TSNARE1: variants seen among roughly 807,000 people sequenced by gnomAD.
The protein encoded by TSNARE1 is t-SNARE domain containing 1, also known as t-SNARE domain-containing protein 1.
A neutral mutation model predicts 62.0 loss-of-function variants in TSNARE1; 49 were observed. The observed-to-expected ratio is 0.79, with a 90% CI of 0.63 to 1.00. The LOEUF is 1.00. Ranked by LOEUF, TSNARE1 falls within the 50% of genes least tolerant of loss-of-function variation. The probability of loss-of-function intolerance (pLI) is 0.00; values close to 1 mark genes in which losing one functional copy is unlikely to be tolerated. For synonymous variants in TSNARE1, 328 were observed against 294.4 expected, an observed-to-expected ratio of 1.11 and a Z score of -1.17; for missense variants, 755 against 700.1, an observed-to-expected ratio of 1.08 and a Z score of -0.88.
intron 12 of TSNARE1, chr8:142,274,565 A>G: frequency 2.0e-6 from 2 of 984,856 alleles, no homozygotes; most frequent in Non-Finnish European, 2.4e-6. Context: ...GACGGTGCCG[A>G]CCGCTGTGGG....
At chr8:142,259,374 C>T (rs1367391092) in intron 12 of TSNARE1, among the ~76,000 whole-genome samples, 1 of 152,172 alleles carries the variant, frequency 6.6e-6, no homozygotes, top group East Asian at 1.9e-4. Flanking sequence ...GGAAAGGGCA[C>T]GGTTTCTGGG....
intron 12 of TSNARE1, chr8:142,274,223 A>G: frequency 1.0e-6 from 1 of 985,398 alleles, no homozygotes; most frequent in African/African-American, 1.7e-5. Context: ...CTGGGCCTCC[A>G]TCTCAGCTGG....
At chr8:142,292,050 C>T (rs570991569) in intron 10 of TSNARE1, among the ~76,000 whole-genome samples, 262 of 152,086 alleles carry the variant, frequency 1.7e-3, no homozygotes, top group African/African-American at 6.1e-3. Context: ...CTGGCTCTGC[C>T]GGGGTCCTGG....
At chr8:142,216,597 T>G (rs1815851197) in intron 13 of TSNARE1, among the ~76,000 whole-genome samples, 1 of 142,960 alleles carries the variant, frequency 7.0e-6, no homozygotes, top group African/African-American at 2.5e-5. Context: ...CTCCCCGCAC[T>G]GGTCAGCAGC....
chr8:142,351,202 C>A (rs1166873456), intron 2 of TSNARE1, among the ~76,000 whole-genome samples: 1 of 152,186 alleles, frequency 6.6e-6, no homozygotes, highest in African/African-American at 2.4e-5. Context: ...GGCTGTGACG[C>A]GTCTGAGTCT....
At position 142,344,111 on chromosome 8, in the gene TSNARE1, G is replaced by A. The variant is rs141826607; in HGVS notation, c.600C>T (p.Gly200=). The change falls in exon 4 of 14, where the codon GGC becomes GGT. Residue 200 remains glycine (G), a synonymous_variant. Transcript: ENST00000524325. ...GGCCATGGGCCGCCTTCCGGAGGTC[G>A]CCCAGCTTGCGCCGCACGACGGCTC... ...DLRAVVRRKL[G]DLRKAAHGPS... 1.7e-5 allele frequency: 27 copies of A among 1,611,020 alleles called. No individual in the cohort carries two copies. Among genetic ancestry groups the A allele is most frequent in the East Asian group, 1.6e-4 (7 of 44,826 alleles).
At chr8:142,316,571 T>C (rs191403544) in intron 7 of TSNARE1, among the ~76,000 whole-genome samples, 116 of 151,862 alleles carry the variant, frequency 7.6e-4, no homozygotes, top group African/African-American at 2.6e-3. Flanking sequence ...TAACTCTTAG[T>C]TGTACAGCCA....
chr8:142,369,459 C>T (rs1297321891), intron 1 of TSNARE1, among the ~76,000 whole-genome samples: 1 of 152,190 alleles, frequency 6.6e-6, no homozygotes, highest in African/African-American at 2.4e-5. Flanking sequence ...GTACAAGACA[C>T]ACAAGAACAT....
chr8:142,376,742 C>T (rs1836373945), intron 1 of TSNARE1, among the ~76,000 whole-genome samples: 1 of 152,186 alleles, frequency 6.6e-6, no homozygotes, highest in Admixed American at 6.5e-5. Context: ...ACGGGACTCC[C>T]AGGGCCCGGG....
chr8:142,352,856 G>A (rs914381089), intron 2 of TSNARE1, among the ~76,000 whole-genome samples: 5 of 152,196 alleles, frequency 3.3e-5, no homozygotes, highest in Non-Finnish European at 5.9e-5. Context: ...CTGGGGGTCA[G>A]GCGCACCACC....
At chr8:142,269,669 A>G in intron 12 of TSNARE1, 1 of 985,296 alleles carries the variant, frequency 1.0e-6, no homozygotes, top group African/African-American at 1.7e-5. Context: ...CAGAATGAAG[A>G]TCTACAGAGG....
intron 10 of TSNARE1, among the ~76,000 whole-genome samples, chr8:142,287,303 C>T (rs1054725346): frequency 8.3e-5 from 12 of 143,798 alleles, no homozygotes; most frequent in Non-Finnish European, 1.2e-4. Context: ...CCCAGGACCC[C>T]GGCCAGATCT....
chr8:142,313,571 ATC>A (rs1236236479), intron 9 of TSNARE1, among the ~76,000 whole-genome samples: 1 of 150,470 alleles, frequency 6.6e-6, no homozygotes, highest in Admixed American at 6.6e-5. Context: ...GTGTCTGCGC[ATC>A]TGTGTTTATC....
chr8:142,340,231 C>T (rs535364961), intron 4 of TSNARE1, among the ~76,000 whole-genome samples: 2 of 152,326 alleles, frequency 1.3e-5, no homozygotes, highest in East Asian at 3.9e-4. Flanking sequence ...TGAGGCTTGC[C>T]GGGGCCTCCT....
In TSNARE1 at chr8:142,291,946, G is replaced by A. The variant is rs76825414; in HGVS notation, c.1291-7461C>T. ...GGGTCAGCTGCCTCTCCCGTGGACG[G>A]TCACAGCAACGCACGCCCCCCCCGG... On this transcript the variant is annotated intron_variant, in intron 10 of 13. Transcript: ENST00000524325. This position sits in a 1 kb window ranked among gnomAD's most constrained non-coding sequence, Gnocchi z 4.8. Among the ~76,000 whole-genome samples the A allele has an allele frequency of 0.013, 1,964 of 152,060 alleles. 51 individuals carry two copies. Among genetic ancestry groups the A allele is most frequent in the African/African-American group, 0.045 (1,879 of 41,446 alleles).
At chr8:142,259,811 G>T (rs1024548391) in intron 12 of TSNARE1, among the ~76,000 whole-genome samples, 2 of 152,312 alleles carry the variant, frequency 1.3e-5, no homozygotes, top group Middle Eastern at 6.8e-3. Context: ...TGCTAAGAAT[G>T]CAACTAAGGG....
At chr8:142,313,675 CTG>C (rs1051673453) in intron 9 of TSNARE1, among the ~76,000 whole-genome samples, 2 of 151,804 alleles carry the variant, frequency 1.3e-5, no homozygotes, top group East Asian at 1.9e-4. Context: ...GTCTGTGTCT[CTG>C]TGTGTTTATC....
At chr8:142,283,043 G>C (rs1326119125) in intron 11 of TSNARE1, among the ~76,000 whole-genome samples, 1 of 148,034 alleles carries the variant, frequency 6.8e-6, no homozygotes, top group African/African-American at 2.6e-5. Context: ...ATGAGCAGAG[G>C]CGGGACCAGT....
chr8:142,324,573 G>A (rs965417740), intron 6 of TSNARE1, among the ~76,000 whole-genome samples: 4 of 152,242 alleles, frequency 2.6e-5, no homozygotes, highest in Admixed American at 6.5e-5. Flanking sequence ...TTAAGATGCC[G>A]TTTAGAAGCA....
Sources: allele counts gnomAD v4.1 joint callset (sites outside exome capture counted in the v4.1 genomes callset), GRCh38; gene constraint gnomAD v4.1.1; non-coding constraint Gnocchi (gnomAD v3.1); transcripts MANE v1.5; gene names NCBI Gene and HGNC (gene_info 2026-07-23, HGNC 2026-07-21).